ANKS1B: variants seen among roughly 807,000 people sequenced by gnomAD.
ANKS1B encodes ankyrin repeat and sterile alpha motif domain containing 1B, also known as ankyrin repeat and sterile alpha motif domain-containing protein 1B.
Under a neutral mutation model 148.3 loss-of-function variants are expected in ANKS1B, and 36 were observed. The ratio of observed to expected loss-of-function variants is 0.24; its 90% CI spans 0.19 to 0.32. ANKS1B has a LOEUF of 0.32. ANKS1B is among the 10% of genes least tolerant of loss of function. The pLI is 1.00. For missense variants in ANKS1B, 1,157 were observed against 1,542.6 expected, an observed-to-expected ratio of 0.75 and a Z score of 4.19; for synonymous variants, 542 against 560.8, an observed-to-expected ratio of 0.97 and a Z score of 0.47.
intron 4 of ANKS1B, among the ~76,000 whole-genome samples, chr12:99,792,057 G>A (rs2065721196): frequency 6.6e-6 from 1 of 151,682 alleles, no homozygotes; most frequent in Admixed American, 6.6e-5. Context: ...AAATGAAAAA[G>A]GAGACATTAC....
intron 8 of ANKS1B, among the ~76,000 whole-genome samples, chr12:99,699,865 TG>T (rs2054534945): frequency 6.6e-6 from 1 of 152,198 alleles, no homozygotes; most frequent in Non-Finnish European, 1.5e-5. Flanking sequence ...TAAAATAAGC[TG>T]TTTGCATTTT....
chr12:99,249,712 G>C (rs1249370771), intron 12 of ANKS1B, among the ~76,000 whole-genome samples: 1 of 152,126 alleles, frequency 6.6e-6, no homozygotes, highest in Non-Finnish European at 1.5e-5. Context: ...AGCCCTCCCC[G>C]TATCTAGTCC....
At chr12:99,380,173 G>T (rs928868449) in intron 12 of ANKS1B, among the ~76,000 whole-genome samples, 2 of 152,150 alleles carry the variant, frequency 1.3e-5, no homozygotes, top group Admixed American at 6.5e-5. Flanking sequence ...CTTAATGTAG[G>T]CAAAGTAGAT....
intron 1 of ANKS1B, among the ~76,000 whole-genome samples, chr12:99,948,834 C>A (rs1187556784): frequency 6.6e-6 from 1 of 152,282 alleles, no homozygotes; most frequent in Non-Finnish European, 1.5e-5. Flanking sequence ...AGCTAAGGAT[C>A]AGCACTGTAA....
chr12:99,939,397 A>AT (rs1029917359), intron 1 of ANKS1B, among the ~76,000 whole-genome samples: 19 of 151,652 alleles, frequency 1.3e-4, no homozygotes, highest in African/African-American at 3.4e-4. Context: ...GCTAATTTTT[A>AT]TTTTTTCTTT....
chr12:99,590,571 A>T (rs906338978), intron 9 of ANKS1B, among the ~76,000 whole-genome samples: 9 of 152,188 alleles, frequency 5.9e-5, no homozygotes, highest in African/African-American at 2.2e-4. Context: ...AAATGGGAGC[A>T]TATTAGCAGG....
chr12:98,823,785 C>T (rs780921328), intron 19 of ANKS1B, among the ~76,000 whole-genome samples: 2 of 152,254 alleles, frequency 1.3e-5, no homozygotes, highest in African/African-American at 2.4e-5. Flanking sequence ...AGCCACGGTG[C>T]CTGGCCAAAA....
chr12:98,986,356 G>A (rs2099923370), intron 17 of ANKS1B, among the ~76,000 whole-genome samples: 1 of 151,504 alleles, frequency 6.6e-6, no homozygotes, highest in Admixed American at 6.6e-5. Context: ...TTTTACCACA[G>A]CTTGTGGATG....
rs1567880822 is a variant in ANKS1B, at chr12:99,805,249, A to C, written c.669+1155T>G. On this transcript the variant is annotated intron_variant, in intron 4 of 26. Transcript: ENST00000683438. Reference sequence around the variant, plus strand: ...ACTTGGAAGCCAAGAAATAACCATGAAAGGAGGAAAAGGCAAAAAAAAAAA... The same window carrying C: ...ACTTGGAAGCCAAGAAATAACCATGCAAGGAGGAAAAGGCAAAAAAAAAAA... Among the ~76,000 whole-genome samples, 7 of 136,696 alleles carry C rather than the reference A, an allele frequency of 5.1e-5. No homozygotes were observed. The South Asian group carries it at 1.8e-3, about 35-fold the overall frequency. 89.7% of individuals were successfully genotyped at this position (136,696 alleles called of 152,430 possible). A position where few individuals can be genotyped will look rare whatever the true frequency, so the allele number is the denominator to read the frequency against.
chr12:99,203,914 A>G (rs1299274181), intron 14 of ANKS1B, among the ~76,000 whole-genome samples: 1 of 152,206 alleles, frequency 6.6e-6, no homozygotes, highest in Non-Finnish European at 1.5e-5. Context: ...TGATTTTGTC[A>G]TTCTGTAAGT....
chr12:99,945,752 G>A (rs893618220), intron 1 of ANKS1B, among the ~76,000 whole-genome samples: 3 of 152,136 alleles, frequency 2.0e-5, no homozygotes, highest in African/African-American at 4.8e-5. Context: ...AAGTTCTCTA[G>A]CTCAATTTCC....
At chr12:99,226,160 A>AAT (rs1262545054) in intron 14 of ANKS1B, among the ~76,000 whole-genome samples, 2 of 152,194 alleles carry the variant, frequency 1.3e-5, no homozygotes, top group African/African-American at 4.8e-5. Flanking sequence ...AAGAACTAAC[A>AAT]ATAGTATACC....
chr12:99,849,859 G>A (rs1315343540), intron 1 of ANKS1B, among the ~76,000 whole-genome samples: 1 of 152,046 alleles, frequency 6.6e-6, no homozygotes, highest in Non-Finnish European at 1.5e-5. Context: ...TGAGATGCTA[G>A]CAATATTCTA....
chr12:99,884,598 G>A (rs773592884), intron 1 of ANKS1B, among the ~76,000 whole-genome samples: 8 of 151,968 alleles, frequency 5.3e-5, no homozygotes, highest in Non-Finnish European at 1.0e-4. Context: ...CAACAACATG[G>A]GTGAATCACA....
intron 8 of ANKS1B, among the ~76,000 whole-genome samples, chr12:99,661,661 C>G (rs565277123): frequency 6.6e-6 from 1 of 152,144 alleles, no homozygotes; most frequent in South Asian, 2.1e-4. Flanking sequence ...TTTTCTCTGG[C>G]AAAGACTATT....
chr12:99,822,473 T>C (rs973455239), intron 2 of ANKS1B, among the ~76,000 whole-genome samples: 1 of 152,190 alleles, frequency 6.6e-6, no homozygotes, highest in Non-Finnish European at 1.5e-5. Context: ...CTCCAGTTTC[T>C]ATCATTGCCA....
rs922332492 is a variant in ANKS1B, at chr12:99,731,428, G to C, written c.1128+41494C>G. 2.3e-4 allele frequency among the ~76,000 whole-genome samples: 22 copies of C among 97,332 alleles called. 1 individual carries two copies. Among genetic ancestry groups the C allele is most frequent in the South Asian group, 6.8e-4 (2 of 2,936 alleles). The allele number at this position is 97,332 out of a possible 152,430, so 63.9% of individuals were successfully genotyped here. On this transcript the variant is annotated intron_variant, in intron 8 of 26. Coordinates refer to ENST00000683438, the MANE Select transcript of ANKS1B (RefSeq NM_001352186.2). Reference sequence around the variant, plus strand: ...ACCACCGTGCCGTGTGTGTGTGTGTGTGTGTGTGTGTGTGTGTGTGTGTGT... The same window carrying C: ...ACCACCGTGCCGTGTGTGTGTGTGTCTGTGTGTGTGTGTGTGTGTGTGTGT...
chr12:98,968,069 G>A (rs776289366), intron 17 of ANKS1B, among the ~76,000 whole-genome samples: 9 of 152,186 alleles, frequency 5.9e-5, no homozygotes, highest in Admixed American at 1.3e-4. Flanking sequence ...AGTAGAAGCC[G>A]CATTCTGACA....
intron 17 of ANKS1B, among the ~76,000 whole-genome samples, chr12:98,974,440 C>T (rs1381973579): frequency 2.0e-5 from 3 of 152,164 alleles, no homozygotes; most frequent in Non-Finnish European, 4.4e-5. Context: ...TCAGTGCTTG[C>T]CCCATAATGA....
Sources: allele counts gnomAD v4.1 joint callset (sites outside exome capture counted in the v4.1 genomes callset), GRCh38; gene constraint gnomAD v4.1.1; transcripts MANE v1.5; gene names NCBI Gene and HGNC (gene_info 2026-07-23, HGNC 2026-07-21).